Variants in PCCA observed in about 807,000 individuals in gnomAD.
PCCA encodes the protein propionyl-CoA carboxylase subunit alpha.
Under a neutral mutation model 101.3 loss-of-function variants are expected in PCCA, and 74 were observed. That is an observed-to-expected ratio of 0.73 (90% confidence interval 0.61 to 0.89). PCCA has a LOEUF of 0.89. PCCA is among the 40% of genes least tolerant of loss of function. The pLI is 0.00. For synonymous variants in PCCA, 294 were observed against 313.6 expected (o/e 0.94, Z 0.66); for missense variants, 891 against 907.0 (o/e 0.98, Z 0.23).
chr13:100,341,957 G>GTATATATATATATATATA lies in PCCA; in HGVS notation c.1643+1706_1643+1723dup, dbSNP rs35822001. 8.5e-3 allele frequency among the ~76,000 whole-genome samples: 907 copies of GTATATATATATATATATA among 106,954 alleles called. 30 individuals carry two copies. The highest frequency in any genetic ancestry group is 0.028 in the African/African-American group (651 of 23,224). The allele number at this position is 106,954 out of a possible 152,430, so 70.2% of individuals were successfully genotyped here. A position where few individuals can be genotyped will look rare whatever the true frequency, so the allele number is the denominator to read the frequency against. ...TAATGTTTTGGTAGAACCCTTCAAA[G>GTATATATATATATATATA]TATATATATATATATATATATATAT... On this transcript the variant is annotated intron_variant, in intron 18 of 23. Coordinates refer to ENST00000376285, the MANE Select transcript of PCCA (RefSeq NM_000282.4).
At chr13:100,131,444 G>C (rs902434670) in intron 4 of PCCA, among the ~76,000 whole-genome samples, 1 of 152,130 alleles carries the variant, frequency 6.6e-6, no homozygotes, top group Non-Finnish European at 1.5e-5. Flanking sequence ...CTAAATGTGG[G>C]TATATTAGCC....
At chr13:100,220,813 C>T (rs1037153425) in intron 7 of PCCA, among the ~76,000 whole-genome samples, 1 of 152,184 alleles carries the variant, frequency 6.6e-6, no homozygotes, top group African/African-American at 2.4e-5. Flanking sequence ...TAGTCTGAGC[C>T]AAACTCATGG....
At chr13:100,223,015 A>G (rs1053293843) in intron 7 of PCCA, among the ~76,000 whole-genome samples, 4 of 152,228 alleles carry the variant, frequency 2.6e-5, no homozygotes, top group Non-Finnish European at 5.9e-5. Context: ...TTAAAATGTA[A>G]TTATCAAGTA....
chr13:100,422,098 C>CTTCCTTTCT, intron 19 of PCCA, among the ~76,000 whole-genome samples: 1 of 123,354 alleles, frequency 8.1e-6, no homozygotes. Context: ...TTCTTTCTTT[C>CTTCCTTTCT]TTTCTTTCTT....
intron 7 of PCCA, among the ~76,000 whole-genome samples, chr13:100,232,378 GT>G (rs2060541194): frequency 2.0e-5 from 3 of 150,992 alleles, no homozygotes; most frequent in African/African-American, 7.3e-5. Flanking sequence ...GTGTGTGTGT[GT>G]GTGTGTGTGT....
chr13:100,348,388 G>A (rs2072601943), intron 18 of PCCA, among the ~76,000 whole-genome samples: 1 of 151,988 alleles, frequency 6.6e-6, no homozygotes, highest in Non-Finnish European at 1.5e-5. Flanking sequence ...ATTTTTTGGG[G>A]GATGACTATA....
intron 6 of PCCA, among the ~76,000 whole-genome samples, chr13:100,186,360 A>G (rs1280336219): frequency 3.9e-5 from 6 of 152,212 alleles, no homozygotes; most frequent in Non-Finnish European, 2.9e-5. Context: ...TATGGCCACG[A>G]GAAAGATTTT....
chr13:100,098,224 A>T (rs1282455456), intron 1 of PCCA, among the ~76,000 whole-genome samples: 1 of 152,196 alleles, frequency 6.6e-6, no homozygotes, highest in Non-Finnish European at 1.5e-5. Context: ...AAAAAAAGTA[A>T]AATAAGGTGA....
chr13:100,354,479 A>T (rs2073743862), intron 18 of PCCA, among the ~76,000 whole-genome samples: 1 of 152,066 alleles, frequency 6.6e-6, no homozygotes, highest in Non-Finnish European at 1.5e-5. Flanking sequence ...GAGCAAACAA[A>T]AGCAGAGGGA....
chr13:100,312,875 AC>A (rs916640950), intron 16 of PCCA, among the ~76,000 whole-genome samples: 1 of 152,208 alleles, frequency 6.6e-6, no homozygotes, highest in African/African-American at 2.4e-5. Context: ...TTGGATGAGC[AC>A]AGAGAAAGGT....
intron 7 of PCCA, 137 bp downstream of exon 7, chr13:100,209,600 A>G (rs2059083420): frequency 3.0e-6 from 2 of 665,180 alleles, no homozygotes; most frequent in Non-Finnish European, 2.7e-6. Flanking sequence ...ACATACATGT[A>G]TATATGTTTA....
chr13:100,143,551 TAA>T lies in PCCA; in HGVS notation c.301-11417_301-11416del, dbSNP rs572832682. On this transcript the variant is annotated intron_variant, in intron 4 of 23. Transcript: ENST00000376285. ...CTCTGCATCCACAAAAAAAAAAAAA[TAA>T]AAAAAAAAAATAAAAATCTTTATTA... 4.5e-3 allele frequency among the ~76,000 whole-genome samples: 615 copies of T among 136,568 alleles called. 6 individuals carry two copies. The highest frequency in any genetic ancestry group is 0.016 in the African/African-American group (589 of 37,856). The allele number at this position is 136,568 out of a possible 152,430, so 89.6% of individuals were successfully genotyped here.
chr13:100,368,347 T>C (rs1204556299), intron 18 of PCCA, 125 bp from the exon 19 acceptor site: 7 of 638,930 alleles, frequency 1.1e-5, no homozygotes, highest in Non-Finnish European at 2.0e-5. Context: ...GAGTAGGTGT[T>C]TAAAATGTTC....
intron 22 of PCCA, among the ~76,000 whole-genome samples, chr13:100,524,102 G>A (rs2087527448): frequency 6.6e-6 from 1 of 152,214 alleles, no homozygotes; most frequent in South Asian, 2.1e-4. Flanking sequence ...ACATTCTGCA[G>A]GAGTCAGCGC....
chr13:100,124,518 A>G (rs563255931), intron 4 of PCCA, among the ~76,000 whole-genome samples: 17 of 151,982 alleles, frequency 1.1e-4, no homozygotes, highest in Non-Finnish European at 5.9e-5. Flanking sequence ...TCCTGTGAGC[A>G]CTCTGGGGTG....
At chr13:100,247,213 G>GA (rs1451387938) in intron 8 of PCCA, among the ~76,000 whole-genome samples, 10 of 124,284 alleles carry the variant, frequency 8.0e-5, no homozygotes, top group Non-Finnish European at 1.3e-4. Flanking sequence ...CAGCCTGTGT[G>GA]GGTTTTTTTT....
intron 19 of PCCA, among the ~76,000 whole-genome samples, chr13:100,424,681 C>A (rs1209733421): frequency 2.0e-5 from 3 of 152,080 alleles, no homozygotes; most frequent in Non-Finnish European, 4.4e-5. Flanking sequence ...CCGCCCTATC[C>A]CCAAGGGTCC....
intron 16 of PCCA, among the ~76,000 whole-genome samples, chr13:100,316,964 G>C (rs1227347638): frequency 2.0e-5 from 3 of 151,910 alleles, no homozygotes. Context: ...AGTAGAGACG[G>C]GGTTTCACCA....
rs372644739 is a variant in PCCA at position 100,274,771 on chromosome 13, G to A, written c.1065+1425G>A. 6.6e-5 allele frequency among the ~76,000 whole-genome samples: 10 copies of A among 152,076 alleles called. No homozygotes were observed. In the East Asian group the frequency reaches 9.7e-4, roughly 15 times the overall value. On this transcript the variant is annotated intron_variant, in intron 12 of 23. Transcript: ENST00000376285. ...CCCATTTAGTACGGCCTCATCATAC[G>A]TGATTTCCTCTGCCAAGATCCTGTT...
Sources: gnomAD v4.1 joint callset for allele counts (sites outside exome capture counted in the v4.1 genomes callset) on GRCh38, gnomAD v4.1.1 for gene constraint, MANE v1.5 for transcripts, NCBI Gene and HGNC (gene_info 2026-07-23, HGNC 2026-07-21) for gene names.